Variants in NALF1 observed in about 807,000 individuals in gnomAD.
NALF1 encodes NALCN channel auxiliary factor 1, also known as family with sequence similarity 155 member A.
NALF1 carries 3 observed loss-of-function variants against 48.4 expected under a neutral mutation model. The ratio of observed to expected loss-of-function variants is 0.06; its 90% confidence interval spans 0.03 to 0.16. The LOEUF is 0.16. Ranked by LOEUF, NALF1 falls within the 10% of genes least tolerant of loss-of-function variation. The pLI is 1.00. For synonymous variants in NALF1, 262 were observed against 245.7 expected (o/e 1.07, Z -0.62); for missense variants, 526 against 571.5 (o/e 0.92, Z 0.81).
Position 107,243,233 on chromosome 13 carries a change from C to G in NALF1, c.916-32478G>C, listed in dbSNP as rs568878275. 6.5e-3 allele frequency among the ~76,000 whole-genome samples: 991 copies of G among 152,298 alleles called. 8 individuals carry two copies. The highest frequency in any genetic ancestry group is 0.023 in the African/African-American group (949 of 41,564). On this transcript the variant is annotated intron_variant, in intron 1 of 2. Transcript: ENST00000375915. Reference sequence around the variant, plus strand: ...CGTCTATTTCCTTTCTTTGAACAGGCTGAGCTCTTTATGCATCTTACATAT... The same window carrying G: ...CGTCTATTTCCTTTCTTTGAACAGGGTGAGCTCTTTATGCATCTTACATAT...
At chr13:107,394,894 C>T (rs1883686428) in intron 1 of NALF1, among the ~76,000 whole-genome samples, 1 of 152,080 alleles carries the variant, frequency 6.6e-6, no homozygotes, top group Non-Finnish European at 1.5e-5. Context: ...CAGTCTCTAC[C>T]ATTATTTTGC....
chr13:107,402,174 G>C (rs1883820679), intron 1 of NALF1, among the ~76,000 whole-genome samples: 1 of 152,158 alleles, frequency 6.6e-6, no homozygotes, highest in Non-Finnish European at 1.5e-5. Context: ...CTTCAGTCTT[G>C]CCAGCAGACT....
intron 1 of NALF1, among the ~76,000 whole-genome samples, chr13:107,728,726 G>T (rs1298266744): frequency 8.2e-6 from 1 of 121,662 alleles, no homozygotes; most frequent in East Asian, 2.2e-4. Context: ...AAATAAAAAA[G>T]AAAAAGAATC....
chr13:107,536,430 A>G (rs1876813754), intron 1 of NALF1, among the ~76,000 whole-genome samples: 1 of 152,196 alleles, frequency 6.6e-6, no homozygotes, highest in Non-Finnish European at 1.5e-5. Context: ...ATATGAACAG[A>G]CACTTCTCAA....
intron 1 of NALF1, among the ~76,000 whole-genome samples, chr13:107,450,289 A>T (rs2139034466): frequency 6.6e-6 from 1 of 152,252 alleles, no homozygotes; most frequent in South Asian, 2.1e-4. Context: ...GTCACCAAGA[A>T]GAATGTGGGA....
intron 1 of NALF1, among the ~76,000 whole-genome samples, chr13:107,852,249 T>C (rs1053289453): frequency 1.3e-5 from 2 of 152,228 alleles, no homozygotes; most frequent in African/African-American, 4.8e-5. Flanking sequence ...CATGTCCATA[T>C]ATGAGTCACA....
chr13:107,402,660 A>G (rs1883828757), intron 1 of NALF1, among the ~76,000 whole-genome samples: 1 of 152,108 alleles, frequency 6.6e-6, no homozygotes, highest in Non-Finnish European at 1.5e-5. Flanking sequence ...ATTTTCATTG[A>G]GAGATGCCAC....
At chr13:107,632,864 G>GA (rs1879869133) in intron 1 of NALF1, among the ~76,000 whole-genome samples, 1 of 128,102 alleles carries the variant, frequency 7.8e-6, no homozygotes, top group Non-Finnish European at 1.7e-5. Context: ...AACAAGCCCA[G>GA]AAAAAGACGG....
chr13:107,707,829 A>G (rs1205916719), intron 1 of NALF1, among the ~76,000 whole-genome samples: 5 of 152,146 alleles, frequency 3.3e-5, no homozygotes, highest in Non-Finnish European at 7.4e-5. Flanking sequence ...CAATTAGCCA[A>G]TGTCTTTTGC....
At chr13:107,759,768 CT>C (rs58668313) in intron 1 of NALF1, among the ~76,000 whole-genome samples, 91 of 147,196 alleles carry the variant, frequency 6.2e-4, no homozygotes, top group South Asian at 2.4e-3. Flanking sequence ...ATTTACTTTG[CT>C]TTTTTTTTTT....
In NALF1 at chr13:107,322,064, G is replaced by A. The variant is rs9520381; in HGVS notation, c.916-111309C>T. On this transcript the variant is annotated intron_variant, in intron 1 of 2. Coordinates refer to ENST00000375915, the MANE Select transcript of NALF1 (RefSeq NM_001080396.3). ...CTAGGACTCCTTGTCTTGTATTTGC[G>A]AAGATTTTACTTAAACTCAGGCGAG... 6.6e-3 allele frequency among the ~76,000 whole-genome samples: 1,003 copies of A among 152,112 alleles called. 10 individuals carry two copies. The highest frequency in any genetic ancestry group is 9.8e-3 in the Non-Finnish European group (667 of 67,986).
intron 1 of NALF1, among the ~76,000 whole-genome samples, chr13:107,706,296 G>C (rs7333105): frequency 0.16 from 24,652 of 152,072 alleles, 2,058 homozygotes; most frequent in African/African-American, 0.21. Context: ...CTCCCTTCTG[G>C]ACCCTATAAA....
chr13:107,556,839 T>A lies in NALF1; in HGVS notation c.915+308843A>T, dbSNP rs115013830. 5.5e-3 allele frequency among the ~76,000 whole-genome samples: 841 copies of A among 151,948 alleles called. 4 individuals are homozygous for A. Among genetic ancestry groups the A allele is most frequent in the African/African-American group, 0.019 (795 of 41,394 alleles). On this transcript the variant is annotated intron_variant, in intron 1 of 2. Transcript: ENST00000375915. Reference sequence around the variant, plus strand: ...CTGTCAAGTGTTTGGTGGAATATGATGAAGAAGAAAGACAAAGAGGAGGAG... The same window carrying A: ...CTGTCAAGTGTTTGGTGGAATATGAAGAAGAAGAAAGACAAAGAGGAGGAG...
chr13:107,426,299 CCT>C, intron 1 of NALF1, among the ~76,000 whole-genome samples: 1 of 152,018 alleles, frequency 6.6e-6, no homozygotes, highest in Non-Finnish European at 1.5e-5. Flanking sequence ...GGTTTCTTTC[CCT>C]GTGTGTTCCT....
intron 1 of NALF1, among the ~76,000 whole-genome samples, chr13:107,378,986 G>A (rs11838561): frequency 0.071 from 10,796 of 152,108 alleles, 1,267 homozygotes; most frequent in African/African-American, 0.24. Flanking sequence ...TAATTTGGAC[G>A]CTTTTATTCT....
intron 1 of NALF1, among the ~76,000 whole-genome samples, chr13:107,548,771 G>A (rs1449151243): frequency 1.3e-5 from 2 of 151,926 alleles, no homozygotes; most frequent in African/African-American, 4.8e-5. Flanking sequence ...CTATCTACTT[G>A]TAGCCTGTGA....
intron 2 of NALF1, among the ~76,000 whole-genome samples, chr13:107,180,756 T>C (rs1210189432): frequency 6.6e-6 from 1 of 151,846 alleles, no homozygotes; most frequent in Non-Finnish European, 1.5e-5. Flanking sequence ...GGCATGTTTA[T>C]TATCAAGTGA....
At chr13:107,350,436 C>T (rs564899451) in intron 1 of NALF1, among the ~76,000 whole-genome samples, 1 of 152,244 alleles carries the variant, frequency 6.6e-6, no homozygotes, top group South Asian at 2.1e-4. Flanking sequence ...AAAAGTAGTT[C>T]CTCACACAGC....
chr13:107,816,571 G>A (rs555814523), intron 1 of NALF1, among the ~76,000 whole-genome samples: 1 of 152,240 alleles, frequency 6.6e-6, no homozygotes, highest in South Asian at 2.1e-4. Context: ...CACAACCCAT[G>A]GGAATTATGG....
Sources: gnomAD v4.1 joint callset for allele counts (sites outside exome capture counted in the v4.1 genomes callset) on GRCh38, gnomAD v4.1.1 for gene constraint, MANE v1.5 for transcripts, NCBI Gene and HGNC (gene_info 2026-07-23, HGNC 2026-07-21) for gene names.